CELF2: variants seen among roughly 807,000 people sequenced by gnomAD.
CELF2 encodes CUGBP Elav-like family member 2.
Under a neutral mutation model 62.6 loss-of-function variants are expected in CELF2, and 8 were observed. The observed-to-expected ratio is 0.13, with a 90% CI of 0.07 to 0.23. The LOEUF (loss-of-function observed/expected upper bound fraction) is 0.23, where lower values mean the gene tolerates loss of function less well. Among genes scored for constraint, CELF2 ranks in the 10% least tolerant of loss-of-function variants. CELF2 has a pLI of 1.00. For synonymous variants in CELF2, 258 were observed against 250.0 expected, an observed-to-expected ratio of 1.03 and a Z score of -0.30; for missense variants, 333 against 671.0, an observed-to-expected ratio of 0.50 and a Z score of 5.56.
chr10:11,117,158 C>G lies in CELF2; in HGVS notation c.75-48328C>G, dbSNP rs1045270652. ...AAATCACAGTGACAACCAGTGATAA[C>G]CTATTTTATTCCTTTATATCATCCC... On this transcript the variant is annotated intron_variant, in intron 1 of 12. Transcript: ENST00000633077. This position sits in a 1 kb window ranked among gnomAD's most constrained non-coding sequence, Gnocchi z 4.1. Among the ~76,000 whole-genome samples, 1 of 152,198 alleles carries G rather than the reference C, an allele frequency of 6.6e-6. No individual in the cohort carries two copies.
intron 1 of CELF2, among the ~76,000 whole-genome samples, chr10:11,127,355 CGTGTGCATG>C (rs2058880708): frequency 6.6e-6 from 1 of 152,146 alleles, no homozygotes; most frequent in Non-Finnish European, 1.5e-5. Flanking sequence ...AGTAAACATA[CGTGTGCATG>C]TGTCTTCATA....
At chr10:10,795,366 CAA>C (rs2054082895), upstream of CELF2, among the ~76,000 whole-genome samples, 1 of 150,016 alleles carries the variant, frequency 6.7e-6, no homozygotes, top group Non-Finnish European at 1.5e-5. Context: ...AAAAAGAAGA[CAA>C]AGAGAATGAA....
the CELF2 span, among the ~76,000 whole-genome samples, chr10:10,642,748 C>A: frequency 3.3e-5 from 5 of 152,242 alleles, no homozygotes; most frequent in African/African-American, 9.6e-5. Flanking sequence ...CAGAAGAGTA[C>A]GTTGATATTG....
chr10:11,133,529 A>G (rs1257939432), intron 1 of CELF2, among the ~76,000 whole-genome samples: 1 of 152,202 alleles, frequency 6.6e-6, no homozygotes, highest in Non-Finnish European at 1.5e-5. Flanking sequence ...GTACATACGT[A>G]TACAAGATAG....
intron 1 of CELF2, among the ~76,000 whole-genome samples, chr10:10,864,973 T>A (rs1314490866): frequency 6.6e-6 from 1 of 152,208 alleles, no homozygotes; most frequent in Non-Finnish European, 1.5e-5. Flanking sequence ...TTGGGTATTT[T>A]CAAAATCTTG....
At chr10:11,230,454 A>T (rs1318474144) in intron 3 of CELF2, among the ~76,000 whole-genome samples, 2 of 152,228 alleles carry the variant, frequency 1.3e-5, no homozygotes, top group East Asian at 3.9e-4. Flanking sequence ...GTGCACACAC[A>T]CTTCTCGCAA....
chr10:11,272,745 A>G (rs375559052), intron 7 of CELF2, among the ~76,000 whole-genome samples: 204 of 152,320 alleles, frequency 1.3e-3, no homozygotes, highest in African/African-American at 4.6e-3. Context: ...TTTCTCTGAA[A>G]GAGCCCTTAG....
In CELF2 at chr10:11,290,287, C is replaced by G. The variant is rs1018993171; in HGVS notation, c.976+1735C>G. Among the ~76,000 whole-genome samples, 1 of 152,160 alleles carries G rather than the reference C, an allele frequency of 6.6e-6. No individual in the cohort carries two copies. Among genetic ancestry groups the G allele is most frequent in the Non-Finnish European group, 1.5e-5 (1 of 68,048 alleles). On this transcript the variant is annotated intron_variant, in intron 9 of 12. Coordinates refer to ENST00000633077, the MANE Select transcript of CELF2 (RefSeq NM_001326342.2). This position sits in a 1 kb window ranked among gnomAD's most constrained non-coding sequence, Gnocchi z 4.3. ...AAGGGGACTGGAGGAGGTGACCCCT[C>G]TCTCAAAAGGTGACCTTTGAGCAGA...
the CELF2 span, among the ~76,000 whole-genome samples, chr10:10,662,475 G>A: frequency 2.6e-5 from 4 of 152,086 alleles, no homozygotes; most frequent in East Asian, 7.7e-4. Flanking sequence ...GCACTGGCCT[G>A]ATTCCCTGTA....
chr10:11,309,883 G>A lies in CELF2; in HGVS notation c.977-4256G>A, dbSNP rs1388665599. ...TGTTCCAAATAATTAGTTATCCTTA[G>A]GGGAAGTTACAGAGCCCTTTGTTCT... On this transcript the variant is annotated intron_variant, in intron 9 of 12. Transcript: ENST00000633077. The surrounding 1 kb of genome is among the most constrained non-coding windows in gnomAD (Gnocchi z 5.6). Among the ~76,000 whole-genome samples the A allele has an allele frequency of 1.3e-5, 2 of 152,194 alleles. No homozygotes were observed. The highest frequency in any genetic ancestry group is 2.9e-5 in the Non-Finnish European group (2 of 68,042).
At chr10:10,673,768 A>T in the CELF2 span, among the ~76,000 whole-genome samples, 9 of 152,084 alleles carry the variant, frequency 5.9e-5, no homozygotes, top group Non-Finnish European at 1.3e-4. Context: ...TGTTTTTTAA[A>T]TTTCTCTTGG....
At chr10:10,651,340 G>C in the CELF2 span, among the ~76,000 whole-genome samples, 13,198 of 137,650 alleles carry the variant, frequency 0.096, 908 homozygotes, top group Middle Eastern at 0.14. Flanking sequence ...ACAAAGCAGC[G>C]GGGAAGCTCG....
the CELF2 span, among the ~76,000 whole-genome samples, chr10:10,725,897 T>G: frequency 2.0e-5 from 3 of 149,898 alleles, no homozygotes; most frequent in African/African-American, 7.4e-5. Flanking sequence ...AATTCTACAA[T>G]TAAAAAAAAA....
At chr10:10,595,682 T>C in the CELF2 span, among the ~76,000 whole-genome samples, 2 of 152,178 alleles carry the variant, frequency 1.3e-5, no homozygotes, top group African/African-American at 4.8e-5. Flanking sequence ...AACTGACCCT[T>C]AATCTGTTTG....
At chr10:10,777,004 G>A in the CELF2 span, among the ~76,000 whole-genome samples, 2 of 152,098 alleles carry the variant, frequency 1.3e-5, no homozygotes, top group Non-Finnish European at 2.9e-5. Flanking sequence ...TCTCTTTTCT[G>A]GAGTTCCATG....
rs1306592515 is a variant in CELF2, at chr10:11,171,829, T to TA, written c.271+6148dup. 4.6e-4 allele frequency among the ~76,000 whole-genome samples: 66 copies of TA among 142,636 alleles called. 1 individual carries two copies. The highest frequency in any genetic ancestry group is 1.7e-3 in the African/African-American group (64 of 37,830). The allele number at this position is 142,636 out of a possible 152,430, so 93.6% of individuals were successfully genotyped here. A position where few individuals can be genotyped will look rare whatever the true frequency, so the allele number is the denominator to read the frequency against. On this transcript the variant is annotated intron_variant, in intron 2 of 12. Transcript: ENST00000633077. Reference sequence around the variant, plus strand: ...ATGGTCTAAAGCGGGTTGATCATCTTACAAACCATTTGTTTCTTCTTTAAA... The same window carrying TA: ...ATGGTCTAAAGCGGGTTGATCATCTTAACAAACCATTTGTTTCTTCTTTAAA...
At chr10:11,266,396 G>A (rs193126484) in intron 5 of CELF2, among the ~76,000 whole-genome samples, 4 of 152,204 alleles carry the variant, frequency 2.6e-5, no homozygotes, top group Admixed American at 1.3e-4. Flanking sequence ...TTTCTGCTTT[G>A]GTCAGATTAG....
the CELF2 span, among the ~76,000 whole-genome samples, chr10:10,517,261 AGGG>A: frequency 6.6e-6 from 1 of 152,120 alleles, no homozygotes; most frequent in South Asian, 2.1e-4. Flanking sequence ...TCCCAGGCTG[AGGG>A]GGAACTGGCC....
At chr10:10,966,209 T>C (rs1399647770) in intron 2 of CELF2, among the ~76,000 whole-genome samples, 3 of 152,184 alleles carry the variant, frequency 2.0e-5, no homozygotes, top group Non-Finnish European at 2.9e-5. Flanking sequence ...ATGTGTATCT[T>C]GCATAGTCCT....
Sources: allele counts gnomAD v4.1 joint callset (sites outside exome capture counted in the v4.1 genomes callset), GRCh38; gene constraint gnomAD v4.1.1; non-coding constraint Gnocchi (gnomAD v3.1); transcripts MANE v1.5; gene names NCBI Gene and HGNC (gene_info 2026-07-23, HGNC 2026-07-21).